Variants in FANCM observed in about 807,000 individuals in gnomAD.
FANCM encodes Fanconi anemia group M protein.
FANCM carries 140 observed loss-of-function variants against 199.5 expected under a neutral mutation model. The observed-to-expected ratio is 0.70, with a 90% confidence interval of 0.61 to 0.81. FANCM has a LOEUF of 0.81. Among genes scored for constraint, FANCM ranks in the 30% least tolerant of loss-of-function variants. The pLI is 0.00. For synonymous variants in FANCM, 840 were observed against 836.8 expected, an observed-to-expected ratio of 1.00 and a Z score of -0.07; for missense variants, 2,410 against 2,421.4, an observed-to-expected ratio of 1.00 and a Z score of 0.10.
At chr14:45,147,881 A>G in intron 3 of FANCM, among the ~76,000 whole-genome samples, 1 of 142,598 alleles carries the variant, frequency 7.0e-6, no homozygotes, top group African/African-American at 2.7e-5. Flanking sequence ...TGGGCGACAG[A>G]GGGAGGTTCC....
At position 45,155,361 on chromosome 14, in the gene FANCM, G is replaced by T. The variant is rs758274929; in HGVS notation, c.1310-12G>T. The T allele has an allele frequency of 2.6e-6, 3 of 1,155,008 alleles. No individual in the cohort carries two copies. The South Asian group carries it at 3.8e-5, about 15-fold the overall frequency. The allele number at this position is 1,155,008 out of a possible 1,614,324, so 71.5% of individuals were successfully genotyped here. ...AACAGAAAAAAATTTTGATATTTTT[G>T]TTTTGTTCCAGGAGATAAAAATAAA... On this transcript the variant is annotated splice_polypyrimidine_tract_variant and intron_variant, in intron 7 of 22. Coordinates refer to ENST00000267430, the MANE Select transcript of FANCM (RefSeq NM_020937.4).
In FANCM at chr14:45,165,328, TTG is replaced by T. The variant is rs1887892683; in HGVS notation, c.1788+764_1788+765del. 2.0e-5 allele frequency among the ~76,000 whole-genome samples: 3 copies of T among 152,080 alleles called. No homozygotes were observed. The South Asian group carries it at 6.2e-4, about 32-fold the overall frequency. The stretch of plus-strand genomic sequence containing the variant: ...ATCCCAGTACCTTTAGGAGGCTCAC[TTG>T]AGGTCAGGAGTCCGAGACCAGCCTG... On this transcript the variant is annotated intron_variant, in intron 10 of 22. Transcript: ENST00000267430.
Position 45,136,442 on chromosome 14 carries a change from G to T in FANCM, c.411G>T (p.Val137=). ...NFYRWFPSGK[V]VFMAPTKPLV... is the part of the protein sequence containing the mutation. Reference sequence around the variant, plus strand: ...ACCGCTGGTTCCCTTCAGGAAAGGTGGTCTTCATGGCCCCAACGAAACCCT... The same window carrying T: ...ACCGCTGGTTCCCTTCAGGAAAGGTTGTCTTCATGGCCCCAACGAAACCCT... Residue 137 remains valine, a synonymous_variant, in exon 1 of 23, where the codon GTG becomes GTT. Transcript: ENST00000267430. The T allele has an allele frequency of 6.2e-7, 1 of 1,614,186 alleles. No homozygotes were observed. The highest frequency in any genetic ancestry group is 1.6e-4 in the Middle Eastern group (1 of 6,062).
rs747563759 is a variant in FANCM, at chr14:45,136,352, G to T, written c.321G>T (p.Thr107=). The change falls in exon 1 of 23, where the codon ACG becomes ACT. Residue 107 remains threonine, a synonymous_variant. Transcript: ENST00000267430. ...HISRAALFCN[T]LVCLPTGLGK... ...CCCGGGCTGCTCTGTTTTGCAATAC[G>T]CTGGTGTGTCTGCCTACCGGACTGG... 1 of 1,614,144 alleles carries T rather than the reference G, an allele frequency of 6.2e-7. No homozygotes were observed. Among genetic ancestry groups the T allele is most frequent in the Non-Finnish European group, 8.5e-7 (1 of 1,180,028 alleles).
intron 10 of FANCM, among the ~76,000 whole-genome samples, chr14:45,164,948 C>G (rs981394324): frequency 5.9e-5 from 9 of 152,050 alleles, no homozygotes; most frequent in African/African-American, 2.2e-4. Flanking sequence ...CAAGGGCTGT[C>G]AAAATAACTG....
At position 45,144,452 on chromosome 14, in the gene FANCM, G is replaced by A. The variant is rs566552612; in HGVS notation, c.759+3743G>A. On this transcript the variant is annotated intron_variant, in intron 3 of 22. Coordinates refer to ENST00000267430, the MANE Select transcript of FANCM (RefSeq NM_020937.4). ...TTGTCAGCAAGTTCCTCCAGGCCCC[G>A]GGCAAGTCCAGAGATGCCATCTAGG... 6.5e-4 allele frequency among the ~76,000 whole-genome samples: 98 copies of A among 151,932 alleles called. 2 individuals are homozygous for A. Among genetic ancestry groups the A allele is most frequent in the Non-Finnish European group, 5.1e-4 (35 of 68,008 alleles).
chr14:45,164,158 T>A (rs1442291791), intron 9 of FANCM, among the ~76,000 whole-genome samples: 1 of 152,184 alleles, frequency 6.6e-6, no homozygotes, highest in Admixed American at 6.5e-5. Context: ...GTGCCCAGGC[T>A]GAGCTTGAGC....
At chr14:45,171,714 T>C (rs915751305) in intron 12 of FANCM, among the ~76,000 whole-genome samples, 9 of 152,002 alleles carry the variant, frequency 5.9e-5, no homozygotes, top group Non-Finnish European at 1.0e-4. Context: ...TGTGTGTGTG[T>C]GTGTGTGTGC....
At chr14:45,172,919 TGAGA>T in intron 12 of FANCM, 132 bp from the exon 13 acceptor site, 2 of 656,856 alleles carry the variant, frequency 3.0e-6, no homozygotes, top group Admixed American at 2.7e-5. Context: ...TTTTTTCTTC[TGAGA>T]TTTTAGTTGG....
intron 4 of FANCM, among the ~76,000 whole-genome samples, chr14:45,149,244 G>T (rs926857884): frequency 6.6e-6 from 1 of 151,738 alleles, no homozygotes; most frequent in Non-Finnish European, 1.5e-5. Context: ...ACATGGTTTT[G>T]TATTTTTTTA....
rs768045028 is a variant in FANCM at position 45,173,142 on chromosome 14, G to C, written c.2248G>C (p.Asp750His). Reference sequence around the variant, plus strand: ...TCATCCTTTGCCTACACATCAAGTTGATCACTCAGATCGATGCCGCCATTT... The same window carrying C: ...TCATCCTTTGCCTACACATCAAGTTCATCACTCAGATCGATGCCGCCATTT... Reference protein sequence around the residue: ...QDHPLPTHQVDHSDRCRHFIG... With the variant: ...QDHPLPTHQVHHSDRCRHFIG... Residue 750 changes from aspartate (D) to histidine (H), a missense_variant, in exon 13 of 23, where the codon GAT (aspartate) becomes CAT (histidine). By Grantham distance (81) the Asp-to-His change is moderately conservative (BLOSUM62 -1). Transcript: ENST00000267430. 3 of 1,613,250 alleles carry C rather than the reference G, an allele frequency of 1.9e-6. No homozygotes were observed. Among genetic ancestry groups the C allele is most frequent in the Non-Finnish European group, 2.5e-6 (3 of 1,179,286 alleles).
intron 9 of FANCM, among the ~76,000 whole-genome samples, chr14:45,163,261 A>G (rs1026974130): frequency 6.6e-6 from 1 of 152,250 alleles, no homozygotes; most frequent in Non-Finnish European, 1.5e-5. Context: ...CAATGATAAT[A>G]TCTACCTCAT....
chr14:45,140,446 A>C (rs1300707365), intron 2 of FANCM, among the ~76,000 whole-genome samples, 186 bp from the exon 3 acceptor site: 1 of 152,236 alleles, frequency 6.6e-6, no homozygotes, highest in Admixed American at 6.5e-5. Flanking sequence ...GTTCTTGATC[A>C]GCATAGAGAA....
intron 3 of FANCM, among the ~76,000 whole-genome samples, chr14:45,148,200 A>AAAACACACACACACAC (rs376352737): frequency 7.0e-6 from 1 of 142,354 alleles, no homozygotes; most frequent in African/African-American, 2.6e-5. Flanking sequence ...CCGTCTCAAA[A>AAAACACACACACACAC]ACACACACAC....
At chr14:45,177,035 CT>C (rs1888757271) in intron 14 of FANCM, 59 bp downstream of exon 14, 2 of 1,140,646 alleles carry the variant, frequency 1.8e-6, no homozygotes, top group Non-Finnish European at 2.6e-6. Context: ...TCTAGAAATA[CT>C]TTGGTAATTT....
intron 20 of FANCM, among the ~76,000 whole-genome samples, chr14:45,190,107 C>T (rs1889675361): frequency 6.6e-6 from 1 of 152,044 alleles, no homozygotes; most frequent in Admixed American, 6.5e-5. Flanking sequence ...AGTTTTCTTC[C>T]ATTTCCTTCC....
In FANCM at chr14:45,140,708, A is replaced by G. The variant is rs755886701; in HGVS notation, c.758A>G (p.Lys253Arg). The G allele has an allele frequency of 1.3e-6, 2 of 1,568,478 alleles. No homozygotes were observed. The highest frequency in any genetic ancestry group is 3.3e-5 in the Admixed American group (2 of 59,984). Residue 253 changes from lysine (K) to arginine (R), a missense_variant and splice_region_variant, in exon 3 of 23, where the codon AAG (lysine) becomes AGG (arginine). Physicochemically the swap from Lys to Arg is conservative, Grantham distance 26. Transcript: ENST00000267430. ...ALSATPGSDI[K>R]AVQQVITNLL... ...AGTGCCACACCAGGTAGTGATATAA[A>G]GGTAAGTAAAATGTTTTTCCATTTA...
chr14:45,164,212 T>G, intron 9 of FANCM, 147 bp from the exon 10 acceptor site: 2 of 698,050 alleles, frequency 2.9e-6, no homozygotes, highest in Non-Finnish European at 5.0e-6. Flanking sequence ...CCCAAAGTGT[T>G]GACATTACAG....
rs1016365366 is a variant in FANCM, at chr14:45,175,074, G to T, written c.2320G>T (p.Glu774Ter). 6.3e-7 allele frequency: 1 copy of T among 1,599,038 alleles called. No individual in the cohort carries two copies. Among genetic ancestry groups the T allele is most frequent in the Non-Finnish European group, 8.6e-7 (1 of 1,167,440 alleles). ...MIEGMRHEEG[E>*]CSYELEVESY... ...TTTAAATTTTCCTTATTTATAGGGAGAATGCAGCTATGAATTGGAAGTTGA... is the reference window on the plus strand; with the variant it reads ...TTTAAATTTTCCTTATTTATAGGGATAATGCAGCTATGAATTGGAAGTTGA... Residue 774 changes from glutamate (E) to a stop codon, truncating the protein, a stop_gained, in exon 14 of 23, where the codon GAA becomes TAA. Transcript: ENST00000267430. LOFTEE classifies it high-confidence loss of function.
Sources: gnomAD v4.1 joint callset for allele counts (sites outside exome capture counted in the v4.1 genomes callset) on GRCh38, gnomAD v4.1.1 for gene constraint, MANE v1.5 for transcripts, NCBI Gene and HGNC (gene_info 2026-07-23, HGNC 2026-07-21) for gene names.